Variants in DCLK3 observed in about 807,000 individuals in gnomAD.
DCLK3 encodes doublecortin like kinase 3, also known as serine/threonine-protein kinase DCLK3.
Under a neutral mutation model 46.4 loss-of-function variants are expected in DCLK3, and 30 were observed. The observed-to-expected ratio is 0.65, with a 90% CI of 0.48 to 0.88. The LOEUF (loss-of-function observed/expected upper bound fraction) is 0.88. DCLK3 is among the 40% of genes least tolerant of loss of function. DCLK3 has a pLI of 0.00. For missense variants in DCLK3, 846 were observed against 907.1 expected, an observed-to-expected ratio of 0.93 and a Z score of 0.87; for synonymous variants, 401 against 339.2, an observed-to-expected ratio of 1.18 and a Z score of -2.00.
intron 1 of DCLK3, among the ~76,000 whole-genome samples, chr3:36,748,720 C>A (rs1018267767): frequency 1.3e-5 from 2 of 152,154 alleles, no homozygotes; most frequent in African/African-American, 4.8e-5. Flanking sequence ...ATAACACTAA[C>A]CTTTCTCTCT....
chr3:36,751,364 C>T (rs886517001), intron 1 of DCLK3, among the ~76,000 whole-genome samples: 1 of 152,188 alleles, frequency 6.6e-6, no homozygotes, highest in Non-Finnish European at 1.5e-5. Flanking sequence ...TGCATGGCCC[C>T]CACTAGCCCG....
intron 3 of DCLK3, among the ~76,000 whole-genome samples, chr3:36,721,110 C>A (rs371584908): frequency 6.6e-6 from 1 of 152,090 alleles, no homozygotes; most frequent in Non-Finnish European, 1.5e-5. Context: ...AAATGGGATC[C>A]TTTTCCTTTA....
intron 1 of DCLK3, among the ~76,000 whole-genome samples, chr3:36,757,681 CA>C: frequency 6.6e-6 from 1 of 152,138 alleles, no homozygotes; most frequent in Non-Finnish European, 1.5e-5. Flanking sequence ...AAAGTCACAT[CA>C]GTGAGAAAAG....
intron 3 of DCLK3, among the ~76,000 whole-genome samples, chr3:36,720,196 CCT>C (rs151101474): frequency 1.3e-5 from 2 of 151,646 alleles, no homozygotes; most frequent in Non-Finnish European, 3.0e-5. Context: ...CTGGGACCTC[CCT>C]CTCTCTCTCT....
chr3:36,745,964 G>A (rs568149814), intron 1 of DCLK3, among the ~76,000 whole-genome samples: 1 of 152,346 alleles, frequency 6.6e-6, no homozygotes, highest in East Asian at 1.9e-4. Flanking sequence ...GATCAGAGCT[G>A]TAGAAATTAA....
In DCLK3 at chr3:36,737,107, A is replaced by C; in HGVS notation, c.1959+101T>G. ...TATGTTATAATAACATAAAAGTAAA[A>C]TTCTAGTGTGTAAAGGTGACAGAGT... On this transcript the variant is annotated intron_variant, in intron 2 of 4. Coordinates refer to ENST00000636136, the MANE Select transcript of DCLK3 (RefSeq NM_001394672.2). The surrounding 1 kb of genome is among the most constrained non-coding windows in gnomAD (Gnocchi z 4.4). The C allele has an allele frequency of 7.0e-7, 1 of 1,430,194 alleles. No homozygotes were observed. The highest frequency in any genetic ancestry group is 1.5e-5 in the South Asian group (1 of 66,638). The allele number at this position is 1,430,194 out of a possible 1,614,324, so 88.6% of individuals were successfully genotyped here.
At chr3:36,750,763 A>C (rs78982438) in intron 1 of DCLK3, among the ~76,000 whole-genome samples, 2,879 of 152,342 alleles carry the variant, frequency 0.019, 88 homozygotes, top group African/African-American at 0.063. Flanking sequence ...ACAGCTAGTT[A>C]GTAAGAACTG....
chr3:36,735,135 G>A (rs1005023427), intron 2 of DCLK3, among the ~76,000 whole-genome samples: 1 of 152,172 alleles, frequency 6.6e-6, no homozygotes, highest in African/African-American at 2.4e-5. Context: ...GACCTCCTCA[G>A]GCCTCGAAAG....
At chr3:36,752,366 C>A (rs1486383664) in intron 1 of DCLK3, among the ~76,000 whole-genome samples, 3 of 152,184 alleles carry the variant, frequency 2.0e-5, no homozygotes, top group African/African-American at 7.2e-5. Flanking sequence ...ACTCCCTTCT[C>A]CTGAGAGCTG....
In DCLK3 at chr3:36,749,522, G is replaced by A. The variant is rs115622541; in HGVS notation, c.83-10438C>T. 4.8e-3 allele frequency among the ~76,000 whole-genome samples: 725 copies of A among 152,274 alleles called. 3 individuals are homozygous for A. Among genetic ancestry groups the A allele is most frequent in the African/African-American group, 0.017 (687 of 41,552 alleles). On this transcript the variant is annotated intron_variant, in intron 1 of 4. Coordinates refer to ENST00000636136, the MANE Select transcript of DCLK3 (RefSeq NM_001394672.2). Reference sequence around the variant, plus strand: ...CTTTTTTCTAGAGATGAAGCAGATCGATCTCATTTCTACATCTTCATGCTT... The same window carrying A: ...CTTTTTTCTAGAGATGAAGCAGATCAATCTCATTTCTACATCTTCATGCTT...
chr3:36,758,603 C>T (rs1701509488), intron 1 of DCLK3, among the ~76,000 whole-genome samples: 1 of 152,226 alleles, frequency 6.6e-6, no homozygotes, highest in Admixed American at 6.5e-5. Context: ...CTTCACCACA[C>T]ATTAAGCTTG....
At chr3:36,718,220 G>T (rs777628053) in intron 3 of DCLK3, 43 bp from the exon 4 acceptor site, 29 of 1,611,674 alleles carry the variant, frequency 1.8e-5, no homozygotes, top group Middle Eastern at 2.0e-4. Context: ...CTGAGACCAG[G>T]CAGGGTCAAA....
intron 1 of DCLK3, among the ~76,000 whole-genome samples, chr3:36,743,110 T>C (rs1193286032): frequency 2.0e-5 from 3 of 152,092 alleles, no homozygotes; most frequent in Admixed American, 1.3e-4. Context: ...ACCGGTTGAG[T>C]ATCCCAAAAC....
At chr3:36,734,412 C>T (rs1701234900) in intron 2 of DCLK3, among the ~76,000 whole-genome samples, 1 of 152,186 alleles carries the variant, frequency 6.6e-6, no homozygotes, top group Non-Finnish European at 1.5e-5. Context: ...AAATTATCCA[C>T]AGGAAAACAA....
rs193151895 is a variant in DCLK3, at chr3:36,714,706, T to C, written c.*622A>G. 9 of 152,360 alleles carry C rather than the reference T, an allele frequency of 5.9e-5. No homozygotes were observed. The highest frequency in any genetic ancestry group is 5.9e-4 in the Admixed American group (9 of 15,298). The allele number at this position is 152,360 out of a possible 1,614,324, so 9.4% of individuals were successfully genotyped here. A position where few individuals can be genotyped will look rare whatever the true frequency, so the allele number is the denominator to read the frequency against. Reference sequence around the variant, plus strand: ...CAATGGTTTGTTTTTTTTCTTTCCATGTCTCAGACTGCACCAAAACTGATT... The same window carrying C: ...CAATGGTTTGTTTTTTTTCTTTCCACGTCTCAGACTGCACCAAAACTGATT... On this transcript the variant is annotated 3_prime_UTR_variant, in exon 5 of 5. Coordinates refer to ENST00000636136, the MANE Select transcript of DCLK3 (RefSeq NM_001394672.2).
intron 2 of DCLK3, among the ~76,000 whole-genome samples, chr3:36,725,090 G>A (rs6798884): frequency 0.019 from 2,838 of 151,926 alleles, 77 homozygotes; most frequent in African/African-American, 0.064. Context: ...CAAGACGGGC[G>A]GATCATGAGG....
Position 36,737,898 on chromosome 3 carries a change from C to T in DCLK3, c.1269G>A (p.Glu423=), listed in dbSNP as rs750496118. 2.6e-5 allele frequency: 42 copies of T among 1,614,012 alleles called. No individual in the cohort carries two copies. Among genetic ancestry groups the T allele is most frequent in the Middle Eastern group, 1.6e-4 (1 of 6,084 alleles). Residue 423 remains glutamate, a synonymous_variant, in exon 2 of 5, where the codon GAG becomes GAA. Transcript: ENST00000636136. This position sits in a 1 kb window ranked among gnomAD's most constrained non-coding sequence, Gnocchi z 4.4. ...KDLVEVLPVT[E]EGLREVKKDT... is the part of the protein sequence containing the mutation. The stretch of plus-strand genomic sequence containing the variant: ...CCTTCTTCACCTCCCTCAGCCCCTC[C>T]TCTGTGACAGGAAGAACTTCCACAA...
intron 2 of DCLK3, among the ~76,000 whole-genome samples, chr3:36,727,096 A>AC (rs1701132869): frequency 6.6e-6 from 1 of 152,182 alleles, no homozygotes; most frequent in Non-Finnish European, 1.5e-5. Context: ...CAGCCCGGCC[A>AC]ACATGGTGAA....
Position 36,764,296 on chromosome 3 carries a change from C to T in DCLK3, c.-33G>A. ...CGGCGGGCTCGGGGAGAGCCTGGAGCAGAGGTGGCAGCGCGGGGACGCGGC... is the reference window on the plus strand; with the variant it reads ...CGGCGGGCTCGGGGAGAGCCTGGAGTAGAGGTGGCAGCGCGGGGACGCGGC... On this transcript the variant is annotated 5_prime_UTR_variant, in exon 1 of 5. Transcript: ENST00000636136. This position sits in a 1 kb window ranked among gnomAD's most constrained non-coding sequence, Gnocchi z 4.9. 1 of 225,200 alleles carries T rather than the reference C, an allele frequency of 4.4e-6. No homozygotes were observed. Among genetic ancestry groups the T allele is most frequent in the Non-Finnish European group, 8.6e-6 (1 of 116,354 alleles). The allele number at this position is 225,200 out of a possible 1,614,324, so 14.0% of individuals were successfully genotyped here. A position where few individuals can be genotyped will look rare whatever the true frequency, so the allele number is the denominator to read the frequency against.
Sources: allele counts gnomAD v4.1 joint callset (sites outside exome capture counted in the v4.1 genomes callset), GRCh38; gene constraint gnomAD v4.1.1; non-coding constraint Gnocchi (gnomAD v3.1); transcripts MANE v1.5; gene names NCBI Gene and HGNC (gene_info 2026-07-23, HGNC 2026-07-21).